The following THEMIS variants were observed in gnomAD, a reference collection of about 807,000 sequenced individuals.
THEMIS encodes the protein protein THEMIS.
In THEMIS, 37 loss-of-function variants were observed where a neutral mutation model predicts 52.6. That is an observed-to-expected ratio of 0.70 (90% CI 0.54 to 0.93). The LOEUF is 0.93. Among genes scored for constraint, THEMIS ranks in the 40% least tolerant of loss-of-function variants. The pLI, the probability that THEMIS is intolerant of heterozygous loss-of-function variation, is 0.00. For missense variants in THEMIS, 808 were observed against 763.1 expected, an observed-to-expected ratio of 1.06 and a Z score of -0.69; for synonymous variants, 292 against 272.7, an observed-to-expected ratio of 1.07 and a Z score of -0.70.
At chr6:127,716,006 G>A (rs1204524978) in intron 5 of THEMIS, among the ~76,000 whole-genome samples, 2 of 151,768 alleles carry the variant, frequency 1.3e-5, no homozygotes, top group Non-Finnish European at 2.9e-5. Flanking sequence ...TCTAGCCCAG[G>A]GTTTGTCTTA....
chr6:127,854,384 A>T (rs1429358341), intron 2 of THEMIS, among the ~76,000 whole-genome samples: 2 of 151,846 alleles, frequency 1.3e-5, no homozygotes, highest in African/African-American at 4.8e-5. Context: ...AAAGTCTGCC[A>T]ACCCCTAGTG....
At chr6:127,727,632 T>G (rs1218162775) in intron 4 of THEMIS, among the ~76,000 whole-genome samples, 1 of 152,182 alleles carries the variant, frequency 6.6e-6, no homozygotes, top group Non-Finnish European at 1.5e-5. Flanking sequence ...CAATCTGATT[T>G]AAAACATTGC....
chr6:127,795,536 G>C (rs1777300529), intron 4 of THEMIS, among the ~76,000 whole-genome samples: 1 of 152,090 alleles, frequency 6.6e-6, no homozygotes, highest in African/African-American at 2.4e-5. Flanking sequence ...CACCTTGTTA[G>C]CCAGGACGGT....
At chr6:127,841,898 G>C (rs1459169684) in intron 2 of THEMIS, among the ~76,000 whole-genome samples, 1 of 151,982 alleles carries the variant, frequency 6.6e-6, no homozygotes, top group Non-Finnish European at 1.5e-5. Flanking sequence ...AGCACAGTGG[G>C]AAATAGTACC....
intron 4 of THEMIS, among the ~76,000 whole-genome samples, chr6:127,772,941 C>A (rs1459193312): frequency 6.6e-6 from 1 of 152,142 alleles, no homozygotes; most frequent in African/African-American, 2.4e-5. Flanking sequence ...CCAGTCATGA[C>A]CTACTTAGCA....
At chr6:127,734,726 C>T (rs554132652) in intron 4 of THEMIS, among the ~76,000 whole-genome samples, 4 of 151,152 alleles carry the variant, frequency 2.6e-5, no homozygotes, top group Admixed American at 2.0e-4. Context: ...AAAAATTAGC[C>T]GGGTGTGGTG....
chr6:127,903,478 A>C (rs1781195295), upstream of THEMIS, among the ~76,000 whole-genome samples: 1 of 152,078 alleles, frequency 6.6e-6, no homozygotes, highest in African/African-American at 2.4e-5. Flanking sequence ...AGTGGGAAAG[A>C]ATGTTTTATT....
At chr6:127,702,919 A>C in the THEMIS span, among the ~76,000 whole-genome samples, 1 of 151,570 alleles carries the variant, frequency 6.6e-6, no homozygotes, top group Non-Finnish European at 1.5e-5. Flanking sequence ...TTCAACACAC[A>C]CAACACGTGG....
intron 4 of THEMIS, among the ~76,000 whole-genome samples, chr6:127,755,664 C>T (rs1775796907): frequency 6.6e-6 from 1 of 152,094 alleles, no homozygotes; most frequent in African/African-American, 2.4e-5. Flanking sequence ...GAAGAGGATC[C>T]ATGTAATCAA....
At chr6:127,884,156 G>C (rs1211379620) in intron 1 of THEMIS, among the ~76,000 whole-genome samples, 2 of 152,040 alleles carry the variant, frequency 1.3e-5, no homozygotes, top group African/African-American at 4.8e-5. Context: ...TTCCAACATG[G>C]AGACTAGTTG....
chr6:127,725,912 T>C (rs1463889828), intron 4 of THEMIS, among the ~76,000 whole-genome samples: 1 of 152,122 alleles, frequency 6.6e-6, no homozygotes, highest in Admixed American at 6.6e-5. Flanking sequence ...CAGAAGCTCA[T>C]TTCCCCTTTT....
downstream of THEMIS, among the ~76,000 whole-genome samples, chr6:127,707,044 C>T (rs968902214): frequency 2.0e-5 from 3 of 152,016 alleles, no homozygotes; most frequent in East Asian, 5.8e-4. Flanking sequence ...GCAAACACGT[C>T]CTTCTTCACA....
intron 1 of THEMIS, among the ~76,000 whole-genome samples, chr6:127,868,108 T>A (rs270048): frequency 0.016 from 2,418 of 152,314 alleles, 52 homozygotes; most frequent in African/African-American, 0.054. Flanking sequence ...AACTTCGTTA[T>A]CTTTAACATA....
chr6:127,802,914 G>A lies in THEMIS; in HGVS notation c.1758+9969C>T, dbSNP rs1777584029. ...TGCTATTCTTCTACCTATGTTCTGT[G>A]TTTTTTATTTTAATGAATTTTCTGA... On this transcript the variant is annotated intron_variant, in intron 4 of 5. Transcript: ENST00000368248. Among the ~76,000 whole-genome samples, 3 of 152,230 alleles carry A rather than the reference G, an allele frequency of 2.0e-5. No homozygotes were observed. In the South Asian group the frequency reaches 6.2e-4, roughly 32 times the overall value.
chr6:127,907,655 G>A (rs892036554), intron 1 of THEMIS, among the ~76,000 whole-genome samples: 1 of 151,902 alleles, frequency 6.6e-6, no homozygotes, highest in African/African-American at 2.4e-5. Flanking sequence ...AGTGTTGGAA[G>A]AGGAGATATA....
At chr6:127,824,123 G>C (rs982520730) in intron 3 of THEMIS, among the ~76,000 whole-genome samples, 7 of 152,070 alleles carry the variant, frequency 4.6e-5, no homozygotes, top group Admixed American at 4.6e-4. Context: ...GTTAAACCCA[G>C]GTCTCCACTC....
At chr6:127,824,755 C>T (rs567915993) in intron 3 of THEMIS, among the ~76,000 whole-genome samples, 11 of 152,164 alleles carry the variant, frequency 7.2e-5, no homozygotes, top group African/African-American at 2.4e-4. Context: ...CCTCGGCCCC[C>T]CAAAGTGCTG....
chr6:127,767,995 C>T (rs1022189520), intron 4 of THEMIS, among the ~76,000 whole-genome samples: 3 of 152,040 alleles, frequency 2.0e-5, no homozygotes, highest in African/African-American at 7.2e-5. Flanking sequence ...CTATTTGTTC[C>T]GTGGGTCTGA....
chr6:127,747,306 T>C (rs2114316544), intron 4 of THEMIS, among the ~76,000 whole-genome samples: 1 of 127,804 alleles, frequency 7.8e-6, no homozygotes, highest in South Asian at 2.3e-4. Flanking sequence ...GTTAATGGTA[T>C]ATAATTATAA....
Sources: allele counts gnomAD v4.1 joint callset (sites outside exome capture counted in the v4.1 genomes callset), GRCh38; gene constraint gnomAD v4.1.1; transcripts MANE v1.5; gene names NCBI Gene and HGNC (gene_info 2026-07-23, HGNC 2026-07-21).